The following CLDN11 variants were observed in gnomAD, a reference collection of about 807,000 sequenced individuals.
CLDN11 encodes claudin-11.
In CLDN11, 1 loss-of-function variant was observed where a neutral mutation model predicts 18.0. The observed-to-expected ratio is 0.06, with a 90% confidence interval of 0.02 to 0.26. The LOEUF (loss-of-function observed/expected upper bound fraction) is 0.26, where lower values mean the gene tolerates loss of function less well. Among genes scored for constraint, CLDN11 ranks in the 10% least tolerant of loss-of-function variants. The pLI is 1.00. For synonymous variants in CLDN11, 116 were observed against 121.5 expected, an observed-to-expected ratio of 0.96 and a Z score of 0.30; for missense variants, 172 against 276.6, an observed-to-expected ratio of 0.62 and a Z score of 2.68.
rs77585458 is a variant in CLDN11, at chr3:170,420,671, G to A, written c.226+1379G>A. On this transcript the variant is annotated intron_variant, in intron 1 of 2. Coordinates refer to ENST00000064724, the MANE Select transcript of CLDN11 (RefSeq NM_005602.6). ...ATGGCCTCTGGCACACAATAGCTGC[G>A]GGCAGTGCTTGCCTGGTTTGCCTTA... is the stretch of plus-strand genomic sequence containing the variant. 2.3e-3 allele frequency among the ~76,000 whole-genome samples: 346 copies of A among 152,244 alleles called. 2 individuals are homozygous for A. Among genetic ancestry groups the A allele is most frequent in the Non-Finnish European group, 4.4e-3 (298 of 68,016 alleles).
chr3:170,419,637 T>C lies in CLDN11; in HGVS notation c.226+345T>C, dbSNP rs1400465896. On this transcript the variant is annotated intron_variant, in intron 1 of 2. Transcript: ENST00000064724. This position sits in a 1 kb window ranked among gnomAD's most constrained non-coding sequence, Gnocchi z 8.6. The stretch of plus-strand genomic sequence containing the variant: ...TCCTTCCACCGTCCGCTTCCCGAAG[T>C]GCTTCCCGCTCCCGCCCGGCCTCCC... Among the ~76,000 whole-genome samples the C allele has an allele frequency of 6.6e-6, 1 of 152,240 alleles. No individual in the cohort carries two copies. The highest frequency in any genetic ancestry group is 1.5e-5 in the Non-Finnish European group (1 of 68,042).
intron 2 of CLDN11, among the ~76,000 whole-genome samples, chr3:170,426,346 G>T (rs1738852913): frequency 6.6e-6 from 1 of 152,240 alleles, no homozygotes; most frequent in Non-Finnish European, 1.5e-5. Flanking sequence ...AGAAATAGGA[G>T]CCAGTTGCTT....
Position 170,432,973 on chromosome 3 carries a change from C to T in CLDN11, c.*217C>T. 3 of 538,604 alleles carry T rather than the reference C, an allele frequency of 5.6e-6. No homozygotes were observed. The highest frequency in any genetic ancestry group is 1.0e-5 in the Non-Finnish European group (3 of 300,660). The allele number at this position is 538,604 out of a possible 1,614,324, so 33.4% of individuals were successfully genotyped here. A position where few individuals can be genotyped will look rare whatever the true frequency, so the allele number is the denominator to read the frequency against. On this transcript the variant is annotated 3_prime_UTR_variant, in exon 3 of 3. Coordinates refer to ENST00000064724, the MANE Select transcript of CLDN11 (RefSeq NM_005602.6). Reference sequence around the variant, plus strand: ...ATCTCTAGCTCAGATAATGCCCAGACATTTTTTTCCCTTGGTGTTGCCCCT... The same window carrying T: ...ATCTCTAGCTCAGATAATGCCCAGATATTTTTTTCCCTTGGTGTTGCCCCT...
Position 170,432,667 on chromosome 3 carries a change from G to T in CLDN11, c.535G>T (p.Ala179Ser). The T allele has an allele frequency of 6.2e-7, 1 of 1,614,114 alleles. No homozygotes were observed. The highest frequency in any genetic ancestry group is 1.1e-5 in the South Asian group (1 of 91,086). The change falls in exon 3 of 3, where the codon GCT becomes TCT. Residue 179 changes from alanine to serine, a missense_variant. Ala to Ser is a moderately conservative substitution (Grantham distance 99). Around this residue, in one of 3 missense-constraint regions of CLDN11, gnomAD observed 161 missense variants for 240.3 expected, o/e 0.67. Coordinates refer to ENST00000064724, the MANE Select transcript of CLDN11 (RefSeq NM_005602.6). ...LVGGCVILCC[A>S]GDAQAFGENR... ...GGGTGGCTGTGTCATCCTCTGCTGC[G>T]CTGGAGATGCCCAGGCCTTTGGTGA...
At chr3:170,425,863 C>T (rs1738841002) in intron 2 of CLDN11, among the ~76,000 whole-genome samples, 1 of 152,212 alleles carries the variant, frequency 6.6e-6, no homozygotes, top group Non-Finnish European at 1.5e-5. Flanking sequence ...CGAGCTAGCT[C>T]TGGAAATGTA....
At position 170,428,586 on chromosome 3, in the gene CLDN11, C is replaced by T. The variant is rs1239368574; in HGVS notation, c.392-3938C>T. On this transcript the variant is annotated intron_variant, in intron 2 of 2. Coordinates refer to ENST00000064724, the MANE Select transcript of CLDN11 (RefSeq NM_005602.6). ...ATATATCTGTCTTTACATAGTGAAG[C>T]TTTCTTTTCCCTTCCCTTTCTCTCC... 2.6e-5 allele frequency among the ~76,000 whole-genome samples: 4 copies of T among 152,166 alleles called. No individual in the cohort carries two copies. In the East Asian group the frequency reaches 7.7e-4, roughly 29 times the overall value.
intron 2 of CLDN11, among the ~76,000 whole-genome samples, chr3:170,429,127 A>G (rs1293005396): frequency 6.6e-6 from 1 of 152,194 alleles, no homozygotes; most frequent in African/African-American, 2.4e-5. Context: ...TCTTGAAACC[A>G]TTGCTGAAAT....
At chr3:170,428,910 T>G (rs1738931977) in intron 2 of CLDN11, among the ~76,000 whole-genome samples, 1 of 151,080 alleles carries the variant, frequency 6.6e-6, no homozygotes, top group Non-Finnish European at 1.5e-5. Flanking sequence ...AGAAAAACAC[T>G]TTCTTTATTT....
chr3:170,418,869 G>T lies in CLDN11; in HGVS notation c.-198G>T, dbSNP rs1323253762. On this transcript the variant is annotated 5_prime_UTR_variant, in exon 1 of 3. Coordinates refer to ENST00000064724, the MANE Select transcript of CLDN11 (RefSeq NM_005602.6). This position sits in a 1 kb window ranked among gnomAD's most constrained non-coding sequence, Gnocchi z 4.3. ...GGGGGCGGGGGCGCGCTGCCCAGCAGCGCTGCTGTCCCCGCCGTGCGCCCT... is the reference window on the plus strand; with the variant it reads ...GGGGGCGGGGGCGCGCTGCCCAGCATCGCTGCTGTCCCCGCCGTGCGCCCT... 4 of 505,608 alleles carry T rather than the reference G, an allele frequency of 7.9e-6. No individual in the cohort carries two copies. The Admixed American group carries it at 1.1e-4, about 14-fold the overall frequency. 31.3% of individuals were successfully genotyped at this position (505,608 alleles called of 1,614,324 possible).
intron 1 of CLDN11, chr3:170,421,382 CA>C (rs1738721337): frequency 1.3e-6 from 1 of 755,718 alleles, no homozygotes; most frequent in Non-Finnish European, 1.6e-6. Flanking sequence ...ACGGCTGGGT[CA>C]GGGGATGGGC....
In CLDN11 at chr3:170,425,301, G is replaced by A. The variant is rs1386076565; in HGVS notation, c.391+1974G>A. On this transcript the variant is annotated intron_variant, in intron 2 of 2. Transcript: ENST00000064724. Reference sequence around the variant, plus strand: ...TCTGAGGATGGCAGAGCCAAAAGGTGGGTCTGTTGTGTTGAGTGCTCATGT... The same window carrying A: ...TCTGAGGATGGCAGAGCCAAAAGGTAGGTCTGTTGTGTTGAGTGCTCATGT... 3.3e-5 allele frequency among the ~76,000 whole-genome samples: 5 copies of A among 152,154 alleles called. No homozygotes were observed. In the East Asian group the frequency reaches 9.6e-4, roughly 29 times the overall value.
At chr3:170,427,419 C>T (rs1428913414) in intron 2 of CLDN11, among the ~76,000 whole-genome samples, 1 of 151,914 alleles carries the variant, frequency 6.6e-6, no homozygotes, top group African/African-American at 2.4e-5. Context: ...GTTGGGAGTT[C>T]GAAACCAGCC....
At chr3:170,422,377 C>G (rs9856511) in intron 1 of CLDN11, among the ~76,000 whole-genome samples, 117,143 of 152,084 alleles carry the variant, frequency 0.77, 45,904 homozygotes, top group East Asian at 0.99. Context: ...AATTCTATTA[C>G]AGAGATGTAG....
Position 170,419,150 on chromosome 3 carries a change from T to C in CLDN11, c.84T>C (p.Asn28=). 2 of 1,552,716 alleles carry C rather than the reference T, an allele frequency of 1.3e-6. No homozygotes were observed. Among genetic ancestry groups the C allele is most frequent in the Non-Finnish European group, 1.7e-6 (2 of 1,147,864 alleles). Residue 28 remains asparagine, a synonymous_variant, in exon 1 of 3, where the codon AAT becomes AAC. Coordinates refer to ENST00000064724, the MANE Select transcript of CLDN11 (RefSeq NM_005602.6). The surrounding 1 kb of genome is among the most constrained non-coding windows in gnomAD (Gnocchi z 8.6). ...GGGTCATCGTGACCACCTCCACCAA[T>C]GACTGGGTGGTGACCTGCGGCTACA... ...WIGVIVTTST[N]DWVVTCGYTI... is the part of the protein sequence containing the mutation.
chr3:170,423,071 A>G (rs1577468761), intron 1 of CLDN11, 92 bp from the exon 2 acceptor site: 1 of 1,337,622 alleles, frequency 7.5e-7, no homozygotes, highest in East Asian at 2.3e-5. Context: ...AAGAAGGAGG[A>G]AGGGAGATGG....
chr3:170,427,949 G>A (rs1380887510), intron 2 of CLDN11, among the ~76,000 whole-genome samples: 1 of 151,814 alleles, frequency 6.6e-6, no homozygotes, highest in Non-Finnish European at 1.5e-5. Context: ...TTGAGCCCAG[G>A]AGTTCGAAAC....
rs1739042162 is a variant in CLDN11, at chr3:170,433,044, A to G, written c.*288A>G. 8.1e-6 allele frequency: 1 copy of G among 122,742 alleles called. No homozygotes were observed. Among genetic ancestry groups the G allele is most frequent in the African/African-American group, 3.4e-5 (1 of 29,010 alleles). 7.6% of individuals were successfully genotyped at this position (122,742 alleles called of 1,614,324 possible). A position where few individuals can be genotyped will look rare whatever the true frequency, so the allele number is the denominator to read the frequency against. On this transcript the variant is annotated 3_prime_UTR_variant, in exon 3 of 3. Coordinates refer to ENST00000064724, the MANE Select transcript of CLDN11 (RefSeq NM_005602.6). ...TTCTTTTGCTGTTTATTAAAAATAT[A>G]TTATATATATTTTGTTTCTTTAAAT...
rs1473844185 is a variant in CLDN11 at position 170,434,408 on chromosome 3, C to T, written c.*1652C>T. 6.6e-6 allele frequency among the ~76,000 whole-genome samples: 1 copy of T among 152,202 alleles called. No homozygotes were observed. The highest frequency in any genetic ancestry group is 1.5e-5 in the Non-Finnish European group (1 of 68,034). On this transcript the variant is annotated 3_prime_UTR_variant, in exon 3 of 3. Transcript: ENST00000064724. ...GCATTATGCAGTTAATGTCCTTCAT[C>T]TACTTCTAACACTTAGTAAAGGAAT...
At chr3:170,426,729 A>C (rs1246900812) in intron 2 of CLDN11, among the ~76,000 whole-genome samples, 2 of 152,190 alleles carry the variant, frequency 1.3e-5, no homozygotes, top group Admixed American at 6.5e-5. Context: ...TAGCTGGTTA[A>C]AAGAATACCC....
Sources: allele counts gnomAD v4.1 joint callset (sites outside exome capture counted in the v4.1 genomes callset), GRCh38; gene constraint gnomAD v4.1.1; regional missense constraint gnomAD v4.1.1; non-coding constraint Gnocchi (gnomAD v3.1); transcripts MANE v1.5; gene names NCBI Gene and HGNC (gene_info 2026-07-23, HGNC 2026-07-21).